PIGL: variants seen among roughly 807,000 people sequenced by gnomAD.
The protein encoded by PIGL is N-acetylglucosaminyl-phosphatidylinositol de-N-acetylase.
Under a neutral mutation model 31.1 loss-of-function variants are expected in PIGL, and 22 were observed. The ratio of observed to expected loss-of-function variants is 0.71; its 90% CI spans 0.51 to 1.01. The LOEUF (loss-of-function observed/expected upper bound fraction) is 1.01, where lower values mean the gene tolerates loss of function less well. Among genes scored for constraint, PIGL ranks in the 50% least tolerant of loss-of-function variants. The probability of loss-of-function intolerance (pLI) is 0.00; values close to 1 mark genes in which losing one functional copy is unlikely to be tolerated. For synonymous variants in PIGL, 131 were observed against 117.4 expected (o/e 1.12, Z -0.75); for missense variants, 302 against 315.9 (o/e 0.96, Z 0.33).
At chr17:16,248,866 T>C (rs903217756) in intron 2 of PIGL, among the ~76,000 whole-genome samples, 1 of 152,218 alleles carries the variant, frequency 6.6e-6, no homozygotes, top group Non-Finnish European at 1.5e-5. Flanking sequence ...CTCAGAGTCC[T>C]GCAGACTAGA....
At chr17:16,244,206 T>G (rs977976319) in intron 2 of PIGL, among the ~76,000 whole-genome samples, 1 of 152,182 alleles carries the variant, frequency 6.6e-6, no homozygotes, top group Non-Finnish European at 1.5e-5. Flanking sequence ...TGGGCCTAAC[T>G]CGTTAGTCCT....
chr17:16,307,554 T>A (rs766297709), intron 3 of PIGL, among the ~76,000 whole-genome samples: 7 of 152,230 alleles, frequency 4.6e-5, no homozygotes, highest in Non-Finnish European at 1.0e-4. Context: ...ATGTATCCTC[T>A]GGGCATTGCA....
At chr17:16,296,049 A>G (rs778786122) in intron 2 of PIGL, among the ~76,000 whole-genome samples, 2 of 152,228 alleles carry the variant, frequency 1.3e-5, no homozygotes, top group Non-Finnish European at 2.9e-5. Flanking sequence ...CCCTAATGGC[A>G]AGAAACAACA....
At chr17:16,240,789 C>T (rs575235840) in intron 2 of PIGL, among the ~76,000 whole-genome samples, 1 of 152,022 alleles carries the variant, frequency 6.6e-6, no homozygotes, top group African/African-American at 2.4e-5. Context: ...CGTGAGCCAG[C>T]GCACCTGGCC....
intron 2 of PIGL, among the ~76,000 whole-genome samples, chr17:16,280,776 G>A (rs537351692): frequency 7.8e-4 from 118 of 152,238 alleles, no homozygotes; most frequent in Middle Eastern, 3.4e-3. Flanking sequence ...CACGATCTTG[G>A]CTCACTGCAA....
At chr17:16,278,058 C>CTT (rs57845853) in intron 2 of PIGL, among the ~76,000 whole-genome samples, 6 of 141,226 alleles carry the variant, frequency 4.2e-5, no homozygotes, top group Admixed American at 7.2e-5. Flanking sequence ...AAACTCAATT[C>CTT]TTTTTTTTTT....
At chr17:16,236,548 G>A (rs115865344) in intron 2 of PIGL, among the ~76,000 whole-genome samples, 1,534 of 152,206 alleles carry the variant, frequency 0.01, 29 homozygotes, top group African/African-American at 0.035. Flanking sequence ...CAGCATAGTA[G>A]GAGTGTTCAT....
At chr17:16,244,674 G>GTTTTTGT (rs2092736816) in intron 2 of PIGL, among the ~76,000 whole-genome samples, 2 of 152,002 alleles carry the variant, frequency 1.3e-5, no homozygotes, top group South Asian at 4.1e-4. Context: ...GGAGTTTTTG[G>GTTTTTGT]TTTTTGTTTT....
At chr17:16,264,199 G>C (rs1427417837) in intron 2 of PIGL, among the ~76,000 whole-genome samples, 1 of 113,208 alleles carries the variant, frequency 8.8e-6, no homozygotes, top group Non-Finnish European at 2.0e-5. Flanking sequence ...TTTTAGTAGA[G>C]ATGGGGTCAT....
In PIGL at chr17:16,325,915, C is replaced by T; in HGVS notation, c.*17C>T. 1.3e-6 allele frequency: 2 copies of T among 1,568,582 alleles called. No individual in the cohort carries two copies. The highest frequency in any genetic ancestry group is 4.5e-5 in the East Asian group (2 of 44,610). On this transcript the variant is annotated 3_prime_UTR_variant, in exon 7 of 7. Coordinates refer to ENST00000225609, the MANE Select transcript of PIGL (RefSeq NM_004278.4). The stretch of plus-strand genomic sequence containing the variant: ...TTCCTCTGAAGCCTTGAAGGGTTTT[C>T]AGATCCAAGGAACAAAGGGGAAAAT...
At chr17:16,262,411 G>C (rs1482464063) in intron 2 of PIGL, among the ~76,000 whole-genome samples, 1 of 152,126 alleles carries the variant, frequency 6.6e-6, no homozygotes, top group Non-Finnish European at 1.5e-5. Flanking sequence ...TTTTTTAAAG[G>C]AAAAATAAAA....
intron 2 of PIGL, among the ~76,000 whole-genome samples, chr17:16,294,398 G>A (rs1192288928): frequency 6.6e-6 from 1 of 152,124 alleles, no homozygotes; most frequent in East Asian, 1.9e-4. Flanking sequence ...CCCTTGCCAT[G>A]TCTCCCTTCC....
rs187668218 is a variant in PIGL, at chr17:16,240,917, C to A, written c.335+6847C>A. Among the ~76,000 whole-genome samples, 418 of 151,672 alleles carry A rather than the reference C, an allele frequency of 2.8e-3. 2 individuals are homozygous for A. The highest frequency in any genetic ancestry group is 9.6e-3 in the African/African-American group (396 of 41,404). ...ATCACCTGAGGTCGGGAGTTCGAGA[C>A]CAGCCTGACCAACATGGAGAAACCC... is the stretch of plus-strand genomic sequence containing the variant. On this transcript the variant is annotated intron_variant, in intron 2 of 6. Transcript: ENST00000225609.
intron 2 of PIGL, among the ~76,000 whole-genome samples, chr17:16,271,320 G>T (rs2092871150): frequency 2.0e-5 from 3 of 152,142 alleles, no homozygotes; most frequent in Admixed American, 2.0e-4. Flanking sequence ...TGACCCTCAG[G>T]CTTCTCTTCA....
chr17:16,317,377 CTG>C, intron 5 of PIGL: 1 of 950,774 alleles, frequency 1.1e-6, no homozygotes, highest in Non-Finnish European at 1.3e-6. Context: ...GATTAGAAAA[CTG>C]AGACTGAGAG....
intron 2 of PIGL, among the ~76,000 whole-genome samples, chr17:16,245,612 G>T (rs12150285): frequency 6.8e-6 from 1 of 147,354 alleles, no homozygotes; most frequent in Non-Finnish European, 1.5e-5. Context: ...ACCATGTTGG[G>T]CAGGATGGTC....
Position 16,316,678 on chromosome 17 carries a change from C to T in PIGL, c.495-3C>T, listed in dbSNP as rs1470619497. ...TCTCACTCTTGTCCTATCCCTCCTC[C>T]AGGGCCCTGCACTCAGAAGGGAAGT... On this transcript the variant is annotated splice_region_variant and splice_polypyrimidine_tract_variant and intron_variant, in intron 4 of 6. Coordinates refer to ENST00000225609, the MANE Select transcript of PIGL (RefSeq NM_004278.4). 1 of 1,601,274 alleles carries T rather than the reference C, an allele frequency of 6.2e-7. No individual in the cohort carries two copies. The highest frequency in any genetic ancestry group is 1.7e-5 in the Admixed American group (1 of 59,826).
At chr17:16,232,715 T>G (rs1252689775) in intron 1 of PIGL, among the ~76,000 whole-genome samples, 1 of 151,040 alleles carries the variant, frequency 6.6e-6, no homozygotes, top group African/African-American at 2.4e-5. Context: ...TGGGAGAGGG[T>G]ATGTGTAGAG....
Position 16,313,616 on chromosome 17 carries a change from T to C in PIGL, c.494+2T>C. The C allele has an allele frequency of 6.2e-7, 1 of 1,610,046 alleles. No homozygotes were observed. The highest frequency in any genetic ancestry group is 8.5e-7 in the Non-Finnish European group (1 of 1,176,354). ...CATTGCTCTGTATGCAGCTGTGAGG[T>C]ATGATTCTCCGGGTGATGGATGTGG... is the stretch of plus-strand genomic sequence containing the variant. On this transcript the variant is annotated splice_donor_variant, in intron 4 of 6. Transcript: ENST00000225609. LOFTEE classifies it high-confidence loss of function.
Sources: allele counts gnomAD v4.1 joint callset (sites outside exome capture counted in the v4.1 genomes callset), GRCh38; gene constraint gnomAD v4.1.1; transcripts MANE v1.5; gene names NCBI Gene and HGNC (gene_info 2026-07-23, HGNC 2026-07-21).